CDH22: variants seen among roughly 807,000 people sequenced by gnomAD.
The protein encoded by CDH22 is cadherin 22.
CDH22 carries 30 observed loss-of-function variants against 58.4 expected under a neutral mutation model. The observed-to-expected ratio is 0.51, with a 90% CI of 0.38 to 0.70. CDH22 has a LOEUF of 0.70. CDH22 is among the 30% of genes least tolerant of loss of function. The pLI, the probability that CDH22 is intolerant of heterozygous loss-of-function variation, is 0.00. For missense variants in CDH22, 1,014 were observed against 1,233.9 expected (o/e 0.82, Z 2.67); for synonymous variants, 513 against 558.2 (o/e 0.92, Z 1.14).
At chr20:46,189,378 C>T (rs1186628618) in intron 8 of CDH22, among the ~76,000 whole-genome samples, 1 of 152,128 alleles carries the variant, frequency 6.6e-6, no homozygotes, top group Non-Finnish European at 1.5e-5. Context: ...GGGTGAGGCC[C>T]ACAGCCAGGA....
chr20:46,214,410 C>T (rs2086067596), intron 5 of CDH22, among the ~76,000 whole-genome samples: 1 of 152,152 alleles, frequency 6.6e-6, no homozygotes, highest in Non-Finnish European at 1.5e-5. Context: ...CATCCTCATA[C>T]AGCAGCCGGG....
Position 46,252,690 on chromosome 20 carries a change from A to T in CDH22, c.-399-997T>A, listed in dbSNP as rs1286505661. On this transcript the variant is annotated intron_variant, in intron 1 of 11. Coordinates refer to ENST00000537909, the MANE Select transcript of CDH22 (RefSeq NM_021248.3). ...TCAGTTCAACAGCTCAGTTCCACCA[A>T]GCTTCAACTTTGTGCCAGGTTTGGC... Among the ~76,000 whole-genome samples, 5 of 152,234 alleles carry T rather than the reference A, an allele frequency of 3.3e-5. No homozygotes were observed. In the East Asian group the frequency reaches 9.6e-4, roughly 29 times the overall value.
At chr20:46,233,060 A>G (rs1330136183) in intron 3 of CDH22, among the ~76,000 whole-genome samples, 1 of 152,196 alleles carries the variant, frequency 6.6e-6, no homozygotes, top group East Asian at 1.9e-4. Context: ...TAAGTAGGAA[A>G]CCAGAGGAAT....
chr20:46,276,497 C>T (rs1310748116), intron 1 of CDH22, among the ~76,000 whole-genome samples: 2 of 152,170 alleles, frequency 1.3e-5, no homozygotes, highest in Non-Finnish European at 2.9e-5. Flanking sequence ...ATCATGGACA[C>T]TAATAACCAT....
At chr20:46,203,996 TTA>T (rs1366330734) in intron 7 of CDH22, among the ~76,000 whole-genome samples, 1 of 152,060 alleles carries the variant, frequency 6.6e-6, no homozygotes, top group Non-Finnish European at 1.5e-5. Flanking sequence ...GGAATGGTGC[TTA>T]GGGGTGCAGA....
intron 2 of CDH22, among the ~76,000 whole-genome samples, chr20:46,247,219 G>A (rs889963918): frequency 6.6e-6 from 1 of 152,180 alleles, no homozygotes; most frequent in Admixed American, 6.5e-5. Context: ...TACTGAGCAC[G>A]TGCCAGGACC....
In CDH22 at chr20:46,216,212, G is replaced by A. The variant is rs775152725; in HGVS notation, c.838+614C>T. ...GTTGGCTGGGCTGATAGGGAGCTGG[G>A]AGGCTGGGCCGGAGACATCCCCCAA... On this transcript the variant is annotated intron_variant, in intron 5 of 11. Transcript: ENST00000537909. This position sits in a 1 kb window ranked among gnomAD's most constrained non-coding sequence, Gnocchi z 5.3. Among the ~76,000 whole-genome samples, 12 of 152,230 alleles carry A rather than the reference G, an allele frequency of 7.9e-5. No individual in the cohort carries two copies. Among genetic ancestry groups the A allele is most frequent in the Admixed American group, 2.0e-4 (3 of 15,290 alleles).
chr20:46,303,649 T>A (rs935477530), intron 1 of CDH22, among the ~76,000 whole-genome samples: 2 of 152,034 alleles, frequency 1.3e-5, no homozygotes, highest in Non-Finnish European at 2.9e-5. Context: ...TTGGGTTGGG[T>A]CCTTAATGCT....
chr20:46,193,758 G>C (rs1222369244), intron 8 of CDH22, among the ~76,000 whole-genome samples: 1 of 152,132 alleles, frequency 6.6e-6, no homozygotes, highest in Non-Finnish European at 1.5e-5. Context: ...TTTGCACACA[G>C]GGGGCTTTCT....
At chr20:46,291,198 A>G (rs2086600625) in intron 1 of CDH22, among the ~76,000 whole-genome samples, 1 of 152,134 alleles carries the variant, frequency 6.6e-6, no homozygotes, top group Admixed American at 6.6e-5. Context: ...AATCACTTGA[A>G]CCTGGGAGGC....
intron 7 of CDH22, among the ~76,000 whole-genome samples, chr20:46,201,455 G>C (rs2085960911): frequency 6.6e-6 from 1 of 152,170 alleles, no homozygotes; most frequent in African/African-American, 2.4e-5. Flanking sequence ...CTGGGACTTC[G>C]TGGGTCTGAA....
At chr20:46,299,119 G>A (rs936966675) in intron 1 of CDH22, among the ~76,000 whole-genome samples, 1 of 152,074 alleles carries the variant, frequency 6.6e-6, no homozygotes, top group Admixed American at 6.5e-5. Context: ...GGAGCTCCAC[G>A]CATCTGAATT....
In CDH22 at chr20:46,224,265, T is replaced by C. The variant is rs574486354; in HGVS notation, c.670+3243A>G. The stretch of plus-strand genomic sequence containing the variant: ...TCATCTTCTATATTCTCTACTTCAA[T>C]AAAAGTGCCATGAATGCAGAGCCTT... On this transcript the variant is annotated intron_variant, in intron 4 of 11. Transcript: ENST00000537909. Among the ~76,000 whole-genome samples the C allele has an allele frequency of 3.3e-5, 5 of 152,346 alleles. No homozygotes were observed. In the East Asian group the frequency reaches 5.8e-4, roughly 18 times the overall value.
intron 11 of CDH22, among the ~76,000 whole-genome samples, chr20:46,175,665 T>C (rs1436873980): frequency 6.6e-6 from 1 of 152,196 alleles, no homozygotes; most frequent in Non-Finnish European, 1.5e-5. Flanking sequence ...TCCTCTATCA[T>C]ACTGGTTCTC....
chr20:46,217,990 G>A (rs927752950), intron 4 of CDH22, among the ~76,000 whole-genome samples: 4 of 151,052 alleles, frequency 2.6e-5, no homozygotes, highest in African/African-American at 4.9e-5. Context: ...GCAGTGGCGC[G>A]ATCTCAGCTC....
chr20:46,187,076 A>C, intron 8 of CDH22, 129 bp from the exon 9 acceptor site: 3 of 892,854 alleles, frequency 3.4e-6, no homozygotes, highest in Non-Finnish European at 5.0e-6. Flanking sequence ...CCAAGCTGGT[A>C]CAAGGACCAG....
At chr20:46,205,023 G>T (rs913428715) in intron 7 of CDH22, among the ~76,000 whole-genome samples, 1 of 151,920 alleles carries the variant, frequency 6.6e-6, no homozygotes, top group African/African-American at 2.4e-5. Context: ...TGTGTGTCGG[G>T]GTGTAGTTCG....
intron 1 of CDH22, among the ~76,000 whole-genome samples, chr20:46,260,344 CA>C (rs1458089766): frequency 1.3e-5 from 2 of 152,142 alleles, no homozygotes; most frequent in Non-Finnish European, 2.9e-5. Flanking sequence ...TGAATTAAGC[CA>C]CTCTAGGTCT....
Position 46,210,403 on chromosome 20 carries a change from G to A in CDH22, c.1190C>T (p.Pro397Leu). The change falls in exon 7 of 12, where the codon CCC becomes CTC. Residue 397 changes from proline to leucine, a missense_variant. Physicochemically the swap from Pro to Leu is moderately conservative, Grantham distance 98. Coordinates refer to ENST00000537909, the MANE Select transcript of CDH22 (RefSeq NM_021248.3). This position sits in a 1 kb window ranked among gnomAD's most constrained non-coding sequence, Gnocchi z 4.5. ...CTCCTGCACCTCCAGGAGGCCGGAGGGCGGCCGGAACTCGGGGGGCTCGTC... is the reference window on the plus strand; with the variant it reads ...CTCCTGCACCTCCAGGAGGCCGGAGAGCGGCCGGAACTCGGGGGGCTCGTC... ...DVDEPPEFRP[P>L]SGLLEVQEDA... The A allele has an allele frequency of 1.4e-6, 2 of 1,464,242 alleles. No homozygotes were observed. The highest frequency in any genetic ancestry group is 1.8e-6 in the Non-Finnish European group (2 of 1,108,852). The allele number at this position is 1,464,242 out of a possible 1,614,324, so 90.7% of individuals were successfully genotyped here.
Sources: gnomAD v4.1 joint callset for allele counts (sites outside exome capture counted in the v4.1 genomes callset) on GRCh38, gnomAD v4.1.1 for gene constraint, Gnocchi (gnomAD v3.1) non-coding constraint, MANE v1.5 for transcripts, NCBI Gene and HGNC (gene_info 2026-07-23, HGNC 2026-07-21) for gene names.